The following C2CD3 variants were observed in gnomAD, a reference collection of about 807,000 sequenced individuals.
C2CD3 encodes the protein C2 domain containing 3 centriole elongation regulator, also known as C2 domain-containing protein 3.
Under a neutral mutation model 234.0 loss-of-function variants are expected in C2CD3, and 148 were observed. The observed-to-expected ratio is 0.63, with a 90% CI of 0.55 to 0.72. The LOEUF (loss-of-function observed/expected upper bound fraction) is 0.72. Ranked by LOEUF, C2CD3 falls within the 30% of genes least tolerant of loss-of-function variation. C2CD3 has a pLI of 0.00. For synonymous variants in C2CD3, 1,000 were observed against 1,035.4 expected, an observed-to-expected ratio of 0.97 and a Z score of 0.66; for missense variants, 2,577 against 2,811.5, an observed-to-expected ratio of 0.92 and a Z score of 1.89.
At chr11:74,128,745 C>T (rs934462602) in intron 7 of C2CD3, 3 of 157,530 alleles carry the variant, frequency 1.9e-5, no homozygotes, top group Admixed American at 6.5e-5. Context: ...GTGGTGATGA[C>T]TCTTAACGAG....
chr11:74,067,802 GC>G (rs141243430), intron 24 of C2CD3, among the ~76,000 whole-genome samples: 215 of 152,242 alleles, frequency 1.4e-3, no homozygotes, highest in African/African-American at 4.9e-3. Context: ...AGCATTAAAA[GC>G]TACATTTCTC....
At chr11:74,069,543 G>C (rs1954701866) in intron 24 of C2CD3, among the ~76,000 whole-genome samples, 2 of 152,198 alleles carry the variant, frequency 1.3e-5, no homozygotes, top group Admixed American at 1.3e-4. Context: ...ACACACTAAA[G>C]TTGTGCTGAT....
chr11:74,104,057 T>C (rs1006213041), intron 13 of C2CD3, among the ~76,000 whole-genome samples: 2 of 152,222 alleles, frequency 1.3e-5, no homozygotes, highest in African/African-American at 2.4e-5. Context: ...CTTCTCTATA[T>C]AGAATGCCAA....
chr11:74,075,662 G>A (rs1278309383), intron 23 of C2CD3, among the ~76,000 whole-genome samples: 1 of 152,104 alleles, frequency 6.6e-6, no homozygotes, highest in African/African-American at 2.4e-5. Flanking sequence ...ATTCATAGAT[G>A]GCAATAATAT....
intron 24 of C2CD3, among the ~76,000 whole-genome samples, chr11:74,069,967 C>CT (rs1954720210): frequency 6.6e-6 from 1 of 152,172 alleles, no homozygotes; most frequent in South Asian, 2.1e-4. Context: ...AAAGACTATG[C>CT]TAAAAGCACA....
At chr11:74,051,105 A>G (rs1953662110) in intron 26 of C2CD3, among the ~76,000 whole-genome samples, 1 of 151,080 alleles carries the variant, frequency 6.6e-6, no homozygotes, top group South Asian at 2.1e-4. Context: ...TGTGCAACAT[A>G]ACATGACCCC....
At chr11:74,126,926 A>G (rs971957168) in intron 7 of C2CD3, among the ~76,000 whole-genome samples, 1 of 152,226 alleles carries the variant, frequency 6.6e-6, no homozygotes. Context: ...CTAAGGAACT[A>G]TTAATCTATT....
At chr11:74,150,682 G>A (rs769995959) in intron 3 of C2CD3, among the ~76,000 whole-genome samples, 10 of 150,882 alleles carry the variant, frequency 6.6e-5, no homozygotes, top group Non-Finnish European at 1.3e-4. Context: ...CTGGATTATT[G>A]TGAACCAAGT....
intron 22 of C2CD3, among the ~76,000 whole-genome samples, chr11:74,081,518 C>T (rs1290042508): frequency 6.6e-6 from 1 of 152,090 alleles, no homozygotes; most frequent in African/African-American, 2.4e-5. Flanking sequence ...TATATCCTTA[C>T]CTGTCAGGGT....
At chr11:74,095,190 A>T (rs1489836787) in intron 17 of C2CD3, 38 bp downstream of exon 17, 1 of 1,361,492 alleles carries the variant, frequency 7.3e-7, no homozygotes, top group Non-Finnish European at 9.9e-7. Context: ...TAATAAAAGA[A>T]CCATATAAGA....
At chr11:74,058,410 C>A (rs939551877) in intron 24 of C2CD3, among the ~76,000 whole-genome samples, 2 of 152,114 alleles carry the variant, frequency 1.3e-5, no homozygotes, top group African/African-American at 2.4e-5. Flanking sequence ...ATAGCTATTT[C>A]TATCCTATTG....
In C2CD3 at chr11:74,056,901, ATTTT is replaced by A. The variant is rs3076367; in HGVS notation, c.5090+501_5090+504del. ...CCCCTTCTTATTTCTCTTTATTGTA[ATTTT>A]TTTTTTTTTTTTTGAGACATGGTCT... On this transcript the variant is annotated intron_variant, in intron 25 of 32. Transcript: ENST00000334126. Among the ~76,000 whole-genome samples the A allele has an allele frequency of 1.5e-3, 200 of 136,892 alleles. 2 individuals carry two copies. Among genetic ancestry groups the A allele is most frequent in the African/African-American group, 4.5e-3 (169 of 37,466 alleles). The allele number at this position is 136,892 out of a possible 152,430, so 89.8% of individuals were successfully genotyped here. A position where few individuals can be genotyped will look rare whatever the true frequency, so the allele number is the denominator to read the frequency against.
chr11:74,033,691 C>G lies in C2CD3; in HGVS notation c.6469G>C (p.Glu2157Gln). 6.5e-7 allele frequency: 1 copy of G among 1,536,286 alleles called. No individual in the cohort carries two copies. Among genetic ancestry groups the G allele is most frequent in the Non-Finnish European group, 8.7e-7 (1 of 1,146,924 alleles). ...CCACCAACCCTGGCCTTAGAGGCCT[C>G]ACACTCACAAGCAACAAGACTTTGG... ...PSQSLVACEC[E>Q]ASKARVGGES... Residue 2157 changes from glutamate to glutamine, a missense_variant, in exon 31 of 33, where the codon GAG (glutamate) becomes CAG (glutamine). Glu to Gln is a conservative substitution (Grantham distance 29). Coordinates refer to ENST00000334126, the MANE Select transcript of C2CD3 (RefSeq NM_001286577.2).
chr11:74,108,527 T>C (rs4944880), intron 12 of C2CD3, among the ~76,000 whole-genome samples: 42,884 of 152,060 alleles, frequency 0.28, 6,236 homozygotes, highest in Admixed American at 0.35. Flanking sequence ...AACTATATTA[T>C]TTTGGGCTTG....
chr11:74,048,630 A>G (rs575182316), intron 27 of C2CD3, among the ~76,000 whole-genome samples: 1 of 152,320 alleles, frequency 6.6e-6, no homozygotes, highest in South Asian at 2.1e-4. Context: ...GCCTGAATGG[A>G]TATCATTTTA....
chr11:74,066,457 A>C (rs1046302883), intron 24 of C2CD3, among the ~76,000 whole-genome samples: 3 of 151,980 alleles, frequency 2.0e-5, no homozygotes, highest in African/African-American at 4.8e-5. Context: ...AGAAAGAAAA[A>C]AAAACATTTA....
intron 24 of C2CD3, among the ~76,000 whole-genome samples, chr11:74,058,046 C>T (rs1301342896): frequency 2.0e-5 from 3 of 152,088 alleles, no homozygotes; most frequent in Admixed American, 2.0e-4. Context: ...AAATATTCTC[C>T]AAAAAGAAGT....
chr11:74,099,291 C>T (rs1020242864), intron 15 of C2CD3, among the ~76,000 whole-genome samples: 1 of 152,204 alleles, frequency 6.6e-6, no homozygotes, highest in African/African-American at 2.4e-5. Context: ...TATTTTCTCT[C>T]TAGATCTTCA....
intron 26 of C2CD3, among the ~76,000 whole-genome samples, chr11:74,051,465 G>C (rs1018017588): frequency 6.6e-6 from 1 of 152,124 alleles, no homozygotes; most frequent in African/African-American, 2.4e-5. Flanking sequence ...ACATACTTGA[G>C]GAGTGCTTTG....
Sources: gnomAD v4.1 joint callset for allele counts (sites outside exome capture counted in the v4.1 genomes callset) on GRCh38, gnomAD v4.1.1 for gene constraint, MANE v1.5 for transcripts, NCBI Gene and HGNC (gene_info 2026-07-23, HGNC 2026-07-21) for gene names.